The following ARFGEF2 variants were observed in gnomAD, a reference collection of about 807,000 sequenced individuals.
ARFGEF2 encodes the protein ARF guanine nucleotide exchange factor 2, also known as brefeldin A-inhibited guanine nucleotide-exchange protein 2.
Under a neutral mutation model 219.9 loss-of-function variants are expected in ARFGEF2, and 74 were observed. The observed-to-expected ratio is 0.34, with a 90% confidence interval of 0.28 to 0.41. The LOEUF (loss-of-function observed/expected upper bound fraction) is 0.41, where lower values mean the gene tolerates loss of function less well. Among genes scored for constraint, ARFGEF2 ranks in the 10% least tolerant of loss-of-function variants. ARFGEF2 has a pLI of 1.00. For missense variants in ARFGEF2, 1,743 were observed against 2,218.3 expected (o/e 0.79, Z 4.30); for synonymous variants, 733 against 799.2 (o/e 0.92, Z 1.40).
At chr20:48,932,803 G>A (rs2123284665) in intron 1 of ARFGEF2, among the ~76,000 whole-genome samples, 1 of 152,328 alleles carries the variant, frequency 6.6e-6, no homozygotes, top group East Asian at 1.9e-4. Flanking sequence ...AGTGTGACCA[G>A]CCTCACCAGG....
intron 38 of ARFGEF2, among the ~76,000 whole-genome samples, chr20:49,032,540 T>G (rs1052639910): frequency 4.6e-5 from 7 of 152,166 alleles, no homozygotes; most frequent in Non-Finnish European, 1.0e-4. Context: ...CTATCCAAAT[T>G]TAATTAAAGT....
At chr20:48,944,408 G>A (rs1292064548) in intron 3 of ARFGEF2, among the ~76,000 whole-genome samples, 3 of 152,036 alleles carry the variant, frequency 2.0e-5, no homozygotes, top group South Asian at 2.1e-4. Context: ...TAGTCCCCTC[G>A]ACAGCCCTCT....
chr20:48,996,091 T>A (rs1003645700), intron 23 of ARFGEF2, among the ~76,000 whole-genome samples: 7 of 152,222 alleles, frequency 4.6e-5, no homozygotes, highest in Non-Finnish European at 8.8e-5. Flanking sequence ...AATAAGAGTT[T>A]TTCGCTTATG....
At chr20:49,013,757 C>T in intron 29 of ARFGEF2, 63 bp downstream of exon 29, 2 of 1,614,032 alleles carry the variant, frequency 1.2e-6, no homozygotes, top group Non-Finnish European at 1.7e-6. Context: ...CACTTGCTCA[C>T]CTGACCCCAC....
chr20:48,988,968 G>A (rs1299952359), intron 18 of ARFGEF2, among the ~76,000 whole-genome samples: 1 of 152,064 alleles, frequency 6.6e-6, no homozygotes, highest in Non-Finnish European at 1.5e-5. Flanking sequence ...TATTAGTTAT[G>A]GCCCCTGGGG....
chr20:48,971,418 C>A, intron 10 of ARFGEF2, 64 bp downstream of exon 10: 1 of 1,217,690 alleles, frequency 8.2e-7, no homozygotes, highest in Non-Finnish European at 1.2e-6. Context: ...AATTATAATA[C>A]TCAATATTGA....
At chr20:48,925,103 G>T (rs185130621) in intron 1 of ARFGEF2, among the ~76,000 whole-genome samples, 40 of 152,316 alleles carry the variant, frequency 2.6e-4, no homozygotes, top group Non-Finnish European at 5.3e-4. Flanking sequence ...GGCTGTGTTG[G>T]AGTATTAACT....
Position 48,921,776 on chromosome 20 carries a change from G to A in ARFGEF2, c.-114G>A, listed in dbSNP as rs2090840853. ...GGCCGAGGTGTCGCTTCCTGACGGG[G>A]CGGCGCGGACGGACGCGGCCGGTGC... On this transcript the variant is annotated 5_prime_UTR_variant, in exon 1 of 39. Coordinates refer to ENST00000371917, the MANE Select transcript of ARFGEF2 (RefSeq NM_006420.3). 1 of 1,103,162 alleles carries A rather than the reference G, an allele frequency of 9.1e-7. No individual in the cohort carries two copies. Among genetic ancestry groups the A allele is most frequent in the African/African-American group, 1.7e-5 (1 of 59,816 alleles). 68.3% of individuals were successfully genotyped at this position (1,103,162 alleles called of 1,614,324 possible).
intron 35 of ARFGEF2, among the ~76,000 whole-genome samples, chr20:49,024,653 A>C (rs1409190432): frequency 1.3e-5 from 2 of 152,220 alleles, no homozygotes; most frequent in Admixed American, 1.3e-4. Context: ...TGATTTTAAA[A>C]TTTTAGGCAG....
intron 5 of ARFGEF2, among the ~76,000 whole-genome samples, 155 bp from the exon 6 acceptor site, chr20:48,953,401 C>G (rs1420681849): frequency 2.0e-5 from 3 of 152,022 alleles, no homozygotes; most frequent in African/African-American, 7.2e-5. Context: ...GTCTCGAACT[C>G]CTGGGTTCAA....
At chr20:49,011,751 A>G (rs2091499744) in intron 27 of ARFGEF2, among the ~76,000 whole-genome samples, 173 bp from the exon 28 acceptor site, 1 of 152,226 alleles carries the variant, frequency 6.6e-6, no homozygotes, top group African/African-American at 2.4e-5. Flanking sequence ...TTCATTCCTG[A>G]GTAATTTAAT....
chr20:48,998,140 G>A (rs2091403340), intron 23 of ARFGEF2, 53 bp from the exon 24 acceptor site: 2 of 1,574,162 alleles, frequency 1.3e-6, no homozygotes. Flanking sequence ...GATTACAGGT[G>A]TGAGCCACCA....
At position 48,989,622 on chromosome 20, in the gene ARFGEF2, G is replaced by T; in HGVS notation, c.2752G>T (p.Ala918Ser). Reference sequence around the variant, plus strand: ...CCAGAACTGTGATGACACTGAAGTGGCCTCCTTGTGTTTGGAAGGCATCCG... The same window carrying T: ...CCAGAACTGTGATGACACTGAAGTGTCCTCCTTGTGTTTGGAAGGCATCCG... ...GLQNCDDTEV[A>S]SLCLEGIRCA... is the part of the protein sequence containing the mutation. Residue 918 changes from alanine to serine, a missense_variant, in exon 20 of 39, where the codon GCC becomes TCC. By Grantham distance (99) the Ala-to-Ser change is moderately conservative (BLOSUM62 1). Transcript: ENST00000371917. 2 of 1,614,234 alleles carry T rather than the reference G, an allele frequency of 1.2e-6. No individual in the cohort carries two copies. The highest frequency in any genetic ancestry group is 8.5e-7 in the Non-Finnish European group (1 of 1,180,036).
At chr20:48,933,014 C>T (rs960987519) in intron 1 of ARFGEF2, among the ~76,000 whole-genome samples, 2 of 152,098 alleles carry the variant, frequency 1.3e-5, no homozygotes, top group African/African-American at 4.8e-5. Flanking sequence ...GATTGTTGGA[C>T]TTGCCTTGGG....
chr20:48,978,374 G>A (rs995310844), intron 14 of ARFGEF2, among the ~76,000 whole-genome samples: 1 of 151,314 alleles, frequency 6.6e-6, no homozygotes, highest in Non-Finnish European at 1.5e-5. Context: ...TTTGGTTAGC[G>A]TTGTAGTATA....
chr20:48,953,502 G>T, intron 5 of ARFGEF2, 54 bp from the exon 6 acceptor site: 8 of 1,545,128 alleles, frequency 5.2e-6, no homozygotes, highest in Non-Finnish European at 7.2e-6. Context: ...TAATAGGCTG[G>T]CATAATTTTT....
rs1357889038 is a variant in ARFGEF2 at position 48,927,046 on chromosome 20, A to T, written c.121+5036A>T. 2.0e-5 allele frequency among the ~76,000 whole-genome samples: 3 copies of T among 152,184 alleles called. No individual in the cohort carries two copies. In the East Asian group the frequency reaches 5.8e-4, roughly 29 times the overall value. ...TGGGTTGAGGCGTGGGAGGTGAGGAAACAGATGGTGAGCATAGTCAGCTCT... is the reference window on the plus strand; with the variant it reads ...TGGGTTGAGGCGTGGGAGGTGAGGATACAGATGGTGAGCATAGTCAGCTCT... On this transcript the variant is annotated intron_variant, in intron 1 of 38. Coordinates refer to ENST00000371917, the MANE Select transcript of ARFGEF2 (RefSeq NM_006420.3).
intron 38 of ARFGEF2, among the ~76,000 whole-genome samples, chr20:49,032,378 A>T (rs2091641199): frequency 6.6e-6 from 1 of 152,164 alleles, no homozygotes; most frequent in South Asian, 2.1e-4. Context: ...ACAGTAGTTG[A>T]GAACGGCTGA....
intron 36 of ARFGEF2, among the ~76,000 whole-genome samples, chr20:49,027,290 C>G (rs1382344704): frequency 6.6e-6 from 1 of 152,108 alleles, no homozygotes; most frequent in Non-Finnish European, 1.5e-5. Context: ...GCCTTGGCCT[C>G]CCAAAGTGCT....
Sources: gnomAD v4.1 joint callset for allele counts (sites outside exome capture counted in the v4.1 genomes callset) on GRCh38, gnomAD v4.1.1 for gene constraint, MANE v1.5 for transcripts, NCBI Gene and HGNC (gene_info 2026-07-23, HGNC 2026-07-21) for gene names.